The following RBFOX1 variants were observed in gnomAD, a reference collection of about 807,000 sequenced individuals.
The protein encoded by RBFOX1 is RNA binding fox-1 homolog 1.
Under a neutral mutation model 57.7 loss-of-function variants are expected in RBFOX1, and 8 were observed. That is an observed-to-expected ratio of 0.14 (90% CI 0.08 to 0.25). The LOEUF (loss-of-function observed/expected upper bound fraction) is 0.25. Ranked by LOEUF, RBFOX1 falls within the 10% of genes least tolerant of loss-of-function variation. The pLI is 1.00. For synonymous variants in RBFOX1, 326 were observed against 222.4 expected (o/e 1.47, Z -4.15); for missense variants, 611 against 548.5 (o/e 1.11, Z -1.14).
At chr16:6,231,152 G>A (rs2097456138) in intron 1 of RBFOX1, among the ~76,000 whole-genome samples, 1 of 151,970 alleles carries the variant, frequency 6.6e-6, no homozygotes, top group African/African-American at 2.4e-5. Context: ...GTTGAGAAGG[G>A]TACAGTCAAG....
At chr16:5,856,410 A>G (rs1023204733) in intron 3 of RBFOX1, among the ~76,000 whole-genome samples, 5 of 139,010 alleles carry the variant, frequency 3.6e-5, no homozygotes, top group Admixed American at 2.2e-4. Flanking sequence ...CTTCAGAAAT[A>G]TCAAGTATAT....
At chr16:7,305,723 A>G (rs1056311883) in intron 4 of RBFOX1, among the ~76,000 whole-genome samples, 9 of 152,188 alleles carry the variant, frequency 5.9e-5, no homozygotes, top group Non-Finnish European at 1.3e-4. Context: ...ACTCCAGAAA[A>G]TATTTCTTAG....
intron 2 of RBFOX1, among the ~76,000 whole-genome samples, chr16:6,387,404 C>T (rs1376412619): frequency 1.3e-5 from 2 of 150,308 alleles, no homozygotes; most frequent in East Asian, 2.0e-4. Flanking sequence ...TTACACTCCT[C>T]GGATTCGTAT....
chr16:6,444,120 C>T (rs2094440204), intron 2 of RBFOX1, among the ~76,000 whole-genome samples: 1 of 152,118 alleles, frequency 6.6e-6, no homozygotes, highest in East Asian at 1.9e-4. Flanking sequence ...ACTGCATCCT[C>T]ATCGATTGCT....
intron 2 of RBFOX1, among the ~76,000 whole-genome samples, chr16:6,487,536 G>C (rs1462030420): frequency 2.0e-5 from 3 of 151,448 alleles, no homozygotes; most frequent in Non-Finnish European, 4.4e-5. Flanking sequence ...GCTGTGGTTA[G>C]TTTCTAAGCA....
intron 5 of RBFOX1, among the ~76,000 whole-genome samples, chr16:7,555,605 G>A (rs765782737): frequency 6.6e-6 from 1 of 152,120 alleles, no homozygotes; most frequent in African/African-American, 2.4e-5. Context: ...CTGTGCCCTC[G>A]TCAGGTCTCT....
intron 2 of RBFOX1, among the ~76,000 whole-genome samples, chr16:6,441,719 G>C (rs2094386720): frequency 6.6e-6 from 1 of 152,036 alleles, no homozygotes; most frequent in Admixed American, 6.6e-5. Context: ...CGTGCAGTCA[G>C]CTTCATTTTC....
intron 4 of RBFOX1, among the ~76,000 whole-genome samples, chr16:7,353,644 T>G (rs2097165961): frequency 6.6e-6 from 1 of 152,214 alleles, no homozygotes; most frequent in Non-Finnish European, 1.5e-5. Flanking sequence ...AAATGATGTC[T>G]TACATGCTGT....
At chr16:6,120,465 G>T (rs1201643928) in intron 1 of RBFOX1, among the ~76,000 whole-genome samples, 5 of 152,146 alleles carry the variant, frequency 3.3e-5, no homozygotes, top group Non-Finnish European at 7.3e-5. Context: ...GGGCACTGGA[G>T]TGAATGGCAT....
Position 6,108,201 on chromosome 16 carries a change from T to A in RBFOX1, c.-127+88209T>A, listed in dbSNP as rs534331100. 3.3e-5 allele frequency among the ~76,000 whole-genome samples: 5 copies of A among 152,250 alleles called. No individual in the cohort carries two copies. The South Asian group carries it at 6.2e-4, about 19-fold the overall frequency. The stretch of plus-strand genomic sequence containing the variant: ...TAATGCAATATACATGTCTCTGTTG[T>A]TTTTTAGACCCAAGCTTTTTCTCCT... On this transcript the variant is annotated intron_variant, in intron 1 of 15. Transcript: ENST00000550418.
At chr16:5,554,348 T>C (rs1427654490) in intron 2 of RBFOX1, among the ~76,000 whole-genome samples, 1 of 152,132 alleles carries the variant, frequency 6.6e-6, no homozygotes, top group Non-Finnish European at 1.5e-5. Flanking sequence ...GTTATAAAAC[T>C]GGTGTATATT....
intron 13 of RBFOX1, among the ~76,000 whole-genome samples, chr16:7,665,903 C>T (rs1484024212): frequency 2.0e-5 from 3 of 152,204 alleles, no homozygotes; most frequent in Middle Eastern, 6.8e-3. Flanking sequence ...AATTTCAAAT[C>T]ATTACAATTT....
At chr16:6,454,134 G>T (rs1015230785) in intron 2 of RBFOX1, among the ~76,000 whole-genome samples, 2 of 152,174 alleles carry the variant, frequency 1.3e-5, no homozygotes, top group Non-Finnish European at 2.9e-5. Flanking sequence ...CTATGACCTC[G>T]TTTTAACTCA....
chr16:5,822,876 A>T (rs1452925502), intron 3 of RBFOX1, among the ~76,000 whole-genome samples: 1 of 152,210 alleles, frequency 6.6e-6, no homozygotes, highest in Non-Finnish European at 1.5e-5. Context: ...CTTAAAATGC[A>T]TCTGAAAGGC....
chr16:5,318,257 T>C (rs1423368790), intron 1 of RBFOX1, among the ~76,000 whole-genome samples: 1 of 152,164 alleles, frequency 6.6e-6, no homozygotes, highest in Non-Finnish European at 1.5e-5. Context: ...GTATCCCAAG[T>C]AGGTGGGATT....
At chr16:6,931,297 C>T (rs1403152883) in intron 3 of RBFOX1, among the ~76,000 whole-genome samples, 1 of 111,226 alleles carries the variant, frequency 9.0e-6, no homozygotes, top group Non-Finnish European at 1.8e-5. Context: ...GTCTGTCTGT[C>T]TATCTATCTA....
chr16:7,170,734 C>T (rs2080526123), intron 4 of RBFOX1, among the ~76,000 whole-genome samples: 1 of 151,498 alleles, frequency 6.6e-6, no homozygotes, highest in Non-Finnish European at 1.5e-5. Flanking sequence ...AGTTTCCATA[C>T]ACCTTGGTTG....
rs190227663 is a variant in RBFOX1, at chr16:7,556,846, G to C, written c.271-22931G>C. On this transcript the variant is annotated intron_variant, in intron 5 of 15. Transcript: ENST00000550418. ...TTGAAAATAATTCTTTGTTGAATCA[G>C]ATATAAAGGTTGTTATTGTTGTTTT... Among the ~76,000 whole-genome samples the C allele has an allele frequency of 1.4e-3, 219 of 152,256 alleles. 1 individual carries two copies. The highest frequency in any genetic ancestry group is 5.0e-3 in the African/African-American group (206 of 41,548).
intron 1 of RBFOX1, among the ~76,000 whole-genome samples, chr16:6,207,225 C>A (rs2097261345): frequency 6.6e-6 from 1 of 152,102 alleles, no homozygotes; most frequent in South Asian, 2.1e-4. Flanking sequence ...CTGTTAGTGG[C>A]TTCTGAGACT....
Sources: allele counts gnomAD v4.1 joint callset (sites outside exome capture counted in the v4.1 genomes callset), GRCh38; gene constraint gnomAD v4.1.1; transcripts MANE v1.5; gene names NCBI Gene and HGNC (gene_info 2026-07-23, HGNC 2026-07-21).